Variants in ADAP2 observed in about 807,000 individuals in gnomAD.
ADAP2 encodes ArfGAP with dual PH domains 2.
A neutral mutation model predicts 54.9 loss-of-function variants in ADAP2; 42 were observed. The ratio of observed to expected loss-of-function variants is 0.77; its 90% CI spans 0.60 to 0.99. The LOEUF is 0.99. ADAP2 is among the 50% of genes least tolerant of loss of function. ADAP2 has a pLI of 0.00. For missense variants in ADAP2, 429 were observed against 480.4 expected, an observed-to-expected ratio of 0.89 and a Z score of 1.00; for synonymous variants, 177 against 180.1, an observed-to-expected ratio of 0.98 and a Z score of 0.14.
intron 6 of ADAP2, among the ~76,000 whole-genome samples, chr17:30,946,237 T>C (rs1022086504): frequency 6.6e-6 from 1 of 151,438 alleles, no homozygotes; most frequent in Admixed American, 6.6e-5. Context: ...AGAAGCACTA[T>C]TTTTTTTCCT....
chr17:30,949,544 C>T (rs997873364), intron 7 of ADAP2, among the ~76,000 whole-genome samples, 174 bp downstream of exon 7: 18 of 151,894 alleles, frequency 1.2e-4, no homozygotes, highest in African/African-American at 3.9e-4. Context: ...GTCAGGAGAT[C>T]GAGACCATCC....
At chr17:30,922,187 C>A in intron 1 of ADAP2, 79 bp downstream of exon 1, 1 of 1,068,332 alleles carries the variant, frequency 9.4e-7, no homozygotes, top group Non-Finnish European at 1.2e-6. Flanking sequence ...TCGGCCCCAC[C>A]GGGTCCCGCC....
chr17:30,928,305 G>A (rs9913888), intron 3 of ADAP2, among the ~76,000 whole-genome samples: 16,006 of 151,074 alleles, frequency 0.11, 961 homozygotes, highest in South Asian at 0.24. Flanking sequence ...AGACCAGCCC[G>A]GCCAACATAG....
intron 6 of ADAP2, among the ~76,000 whole-genome samples, chr17:30,948,284 C>T (rs1383052701): frequency 6.6e-6 from 1 of 152,020 alleles, no homozygotes. Flanking sequence ...ATTAGAAAAT[C>T]ACTCTGGCTA....
chr17:30,922,951 G>A lies in ADAP2; in HGVS notation c.106G>A (p.Ala36Thr), dbSNP rs150091453. 2 of 1,613,764 alleles carry A rather than the reference G, an allele frequency of 1.2e-6. No individual in the cohort carries two copies. The highest frequency in any genetic ancestry group is 1.3e-5 in the African/African-American group (1 of 75,044). ...ADCGAADPDW[A>T]SYKLGIFICL... Reference sequence around the variant, plus strand: ...CTCATCCCCTGCAGATCCCGACTGGGCCTCTTACAAGCTGGGGATCTTCAT... The same window carrying A: ...CTCATCCCCTGCAGATCCCGACTGGACCTCTTACAAGCTGGGGATCTTCAT... The change falls in exon 2 of 11, where the codon GCC (alanine) becomes ACC (threonine). Residue 36 changes from alanine to threonine, a missense_variant. Ala to Thr is a moderately conservative substitution (Grantham distance 58). Transcript: ENST00000330889.
chr17:30,954,262 G>T (rs1008436757), intron 8 of ADAP2: 5 of 505,692 alleles, frequency 9.9e-6, no homozygotes, highest in African/African-American at 7.5e-5. Flanking sequence ...CTGGCAAAGG[G>T]TATGGTGGGG....
At chr17:30,926,691 A>G in intron 2 of ADAP2, 136 bp from the exon 3 acceptor site, 1 of 712,786 alleles carries the variant, frequency 1.4e-6, no homozygotes. Flanking sequence ...TCCCAGCAGT[A>G]TGGATGACCA....
chr17:30,948,516 G>A (rs1270365048), intron 6 of ADAP2, among the ~76,000 whole-genome samples: 2 of 152,122 alleles, frequency 1.3e-5, no homozygotes, highest in Non-Finnish European at 2.9e-5. Context: ...GTTGCAGTGA[G>A]CCAAGATCGC....
chr17:30,955,753 G>A (rs1004603100), intron 9 of ADAP2, among the ~76,000 whole-genome samples: 2 of 151,638 alleles, frequency 1.3e-5, no homozygotes, highest in African/African-American at 2.4e-5. Flanking sequence ...GTCAGGTGTG[G>A]TGGTGCATGC....
At chr17:30,925,992 A>G (rs536397880) in intron 2 of ADAP2, among the ~76,000 whole-genome samples, 1 of 152,220 alleles carries the variant, frequency 6.6e-6, no homozygotes. Context: ...TTGGCCTCCC[A>G]CAGTGCTGGG....
chr17:30,923,070 G>C lies in ADAP2; in HGVS notation c.225G>C (p.Glu75Asp), dbSNP rs1910760477. 6.2e-7 allele frequency: 1 copy of C among 1,613,488 alleles called. No homozygotes were observed. The highest frequency in any genetic ancestry group is 1.3e-5 in the African/African-American group (1 of 75,020). The change falls in exon 2 of 11, where the codon GAG (glutamate) becomes GAC (aspartate). Residue 75 changes from glutamate to aspartate, a missense_variant and splice_region_variant. Glu to Asp is a conservative substitution (Grantham distance 45). Transcript: ENST00000330889. ...ACTTCTGGGACGACAGTATTGTGGAGGTAGAAAGGCATGCCCGTGGAGAGC... is the reference window on the plus strand; with the variant it reads ...ACTTCTGGGACGACAGTATTGTGGACGTAGAAAGGCATGCCCGTGGAGAGC... ...RLDFWDDSIV[E>D]FMIHNGNLRV... is the part of the protein sequence containing the mutation.
chr17:30,937,213 C>T (rs755526597), intron 5 of ADAP2, among the ~76,000 whole-genome samples: 16 of 151,162 alleles, frequency 1.1e-4, no homozygotes, highest in Non-Finnish European at 1.6e-4. Flanking sequence ...CGTGAGCCAC[C>T]GCGCCCGGCC....
chr17:30,957,739 CTCTG>C, intron 10 of ADAP2, 92 bp from the exon 11 acceptor site: 8 of 1,279,110 alleles, frequency 6.3e-6, no homozygotes, highest in Non-Finnish European at 9.0e-6. Context: ...CCATGGCTCC[CTCTG>C]TCTTTGTACG....
At chr17:30,957,013 G>A (rs2142610697) in intron 10 of ADAP2, 1 of 156,296 alleles carries the variant, frequency 6.4e-6, no homozygotes, top group Non-Finnish European at 1.4e-5. Context: ...TGAAAAAAGG[G>A]GAGACATGCC....
At chr17:30,926,161 G>A (rs1171718191) in intron 2 of ADAP2, among the ~76,000 whole-genome samples, 2 of 152,174 alleles carry the variant, frequency 1.3e-5, no homozygotes, top group African/African-American at 4.8e-5. Context: ...GAGGAGAAGA[G>A]GAGCAATGCT....
At chr17:30,927,625 A>T (rs1163317903) in intron 3 of ADAP2, among the ~76,000 whole-genome samples, 7 of 151,702 alleles carry the variant, frequency 4.6e-5, no homozygotes, top group South Asian at 2.1e-4. Flanking sequence ...AAAAAAAAAA[A>T]AAAATAAAAG....
At chr17:30,952,602 C>T in intron 7 of ADAP2, among the ~76,000 whole-genome samples, 1 of 152,146 alleles carries the variant, frequency 6.6e-6, no homozygotes, top group East Asian at 1.9e-4. Flanking sequence ...TCTCAAACTC[C>T]TGGCCTCAAG....
intron 9 of ADAP2, 99 bp downstream of exon 9, chr17:30,954,654 A>C (rs1904927674): frequency 1.0e-6 from 1 of 993,844 alleles, no homozygotes; most frequent in Non-Finnish European, 1.6e-6. Context: ...CACATCTCCC[A>C]GAGCCCCAGA....
intron 5 of ADAP2, among the ~76,000 whole-genome samples, chr17:30,943,020 A>G (rs1225639108): frequency 6.6e-6 from 1 of 152,238 alleles, no homozygotes; most frequent in African/African-American, 2.4e-5. Context: ...AACAGAACTA[A>G]CATTTGACCC....
Sources: allele counts gnomAD v4.1 joint callset (sites outside exome capture counted in the v4.1 genomes callset), GRCh38; gene constraint gnomAD v4.1.1; transcripts MANE v1.5; gene names NCBI Gene and HGNC (gene_info 2026-07-23, HGNC 2026-07-21).